CTNND2: variants seen among roughly 807,000 people sequenced by gnomAD.
CTNND2 encodes catenin delta-2.
Under a neutral mutation model 144.4 loss-of-function variants are expected in CTNND2, and 22 were observed. The observed-to-expected ratio is 0.15, with a 90% CI of 0.11 to 0.22. The LOEUF (loss-of-function observed/expected upper bound fraction) is 0.22, where lower values mean the gene tolerates loss of function less well. Among genes scored for constraint, CTNND2 ranks in the 10% least tolerant of loss-of-function variants. The pLI, the probability that CTNND2 is intolerant of heterozygous loss-of-function variation, is 1.00. For missense variants in CTNND2, 1,353 were observed against 1,618.8 expected, an observed-to-expected ratio of 0.84 and a Z score of 2.82; for synonymous variants, 751 against 695.6, an observed-to-expected ratio of 1.08 and a Z score of -1.25.
At chr5:11,471,344 A>G (rs1432379834) in intron 3 of CTNND2, among the ~76,000 whole-genome samples, 5 of 152,126 alleles carry the variant, frequency 3.3e-5, no homozygotes, top group African/African-American at 1.2e-4. Flanking sequence ...TCATACATAC[A>G]GATTTTATAG....
chr5:11,328,089 C>T (rs1405717921), intron 9 of CTNND2, among the ~76,000 whole-genome samples: 2 of 152,086 alleles, frequency 1.3e-5, no homozygotes, highest in Non-Finnish European at 2.9e-5. Flanking sequence ...TAAGTGAGTA[C>T]GTTCACTTTA....
chr5:11,693,839 C>T (rs564948375), intron 2 of CTNND2, among the ~76,000 whole-genome samples: 36 of 152,270 alleles, frequency 2.4e-4, no homozygotes, highest in African/African-American at 8.4e-4. Flanking sequence ...AGCTATCGCT[C>T]CTAGGAGAAA....
intron 11 of CTNND2, among the ~76,000 whole-genome samples, chr5:11,165,191 T>C (rs202151694): frequency 6.6e-6 from 1 of 152,204 alleles, no homozygotes; most frequent in East Asian, 1.9e-4. Flanking sequence ...TGGGATTATT[T>C]ACTTTGAATC....
At chr5:11,557,449 T>C (rs992875155) in intron 3 of CTNND2, among the ~76,000 whole-genome samples, 1 of 152,178 alleles carries the variant, frequency 6.6e-6, no homozygotes, top group African/African-American at 2.4e-5. Context: ...TTCTTGCAGG[T>C]TGTGAGTTCA....
intron 9 of CTNND2, among the ~76,000 whole-genome samples, chr5:11,250,313 T>G (rs543317103): frequency 4.6e-5 from 7 of 152,064 alleles, no homozygotes; most frequent in Admixed American, 2.0e-4. Context: ...TTCAATATAA[T>G]GGTACCCAAT....
At chr5:11,637,315 G>T in intron 2 of CTNND2, among the ~76,000 whole-genome samples, 1 of 152,146 alleles carries the variant, frequency 6.6e-6, no homozygotes, top group East Asian at 1.9e-4. Flanking sequence ...TATATTAAAA[G>T]ACTGTCTTGC....
intron 1 of CTNND2, among the ~76,000 whole-genome samples, chr5:11,838,394 C>T (rs1794288249): frequency 6.6e-6 from 1 of 152,120 alleles, no homozygotes; most frequent in Non-Finnish European, 1.5e-5. Flanking sequence ...AAGTATGTTC[C>T]AGAGTAGTGG....
chr5:11,723,340 C>A (rs987893589), intron 2 of CTNND2, among the ~76,000 whole-genome samples: 3 of 151,978 alleles, frequency 2.0e-5, no homozygotes, highest in Admixed American at 2.0e-4. Context: ...TCTCATTCCA[C>A]CTGATTAAAT....
chr5:11,654,897 T>C (rs920511889), intron 2 of CTNND2, among the ~76,000 whole-genome samples: 2 of 152,040 alleles, frequency 1.3e-5, no homozygotes, highest in Admixed American at 6.6e-5. Flanking sequence ...TTGTCATATA[T>C]GGCCTTTATT....
At chr5:11,185,688 T>G (rs1209801538) in intron 11 of CTNND2, among the ~76,000 whole-genome samples, 1 of 152,218 alleles carries the variant, frequency 6.6e-6, no homozygotes, top group Non-Finnish European at 1.5e-5. Context: ...AGTTTCATCC[T>G]CTAACGGATA....
At chr5:11,259,061 T>G (rs1294723652) in intron 9 of CTNND2, among the ~76,000 whole-genome samples, 1 of 152,192 alleles carries the variant, frequency 6.6e-6, no homozygotes, top group African/African-American at 2.4e-5. Flanking sequence ...AGGATTACCA[T>G]CTACAATCAG....
chr5:11,457,964 C>T (rs1765880023), intron 3 of CTNND2, among the ~76,000 whole-genome samples: 1 of 152,150 alleles, frequency 6.6e-6, no homozygotes, highest in Non-Finnish European at 1.5e-5. Flanking sequence ...GAAGTCTGAC[C>T]CTTGGACTTC....
intron 12 of CTNND2, among the ~76,000 whole-genome samples, chr5:11,128,788 A>T (rs375918974): frequency 8.2e-4 from 30 of 36,774 alleles, no homozygotes; most frequent in East Asian, 1.1e-3. Flanking sequence ...AAATATATAA[A>T]TATATATTAT....
In CTNND2 at chr5:11,822,935, A is replaced by G. The variant is rs61761573; in HGVS notation, c.37+80882T>C. 3.5e-3 allele frequency among the ~76,000 whole-genome samples: 526 copies of G among 152,316 alleles called. 2 individuals are homozygous for G. The highest frequency in any genetic ancestry group is 0.024 in the Middle Eastern group (7 of 294). On this transcript the variant is annotated intron_variant, in intron 1 of 21. Transcript: ENST00000304623. ...TCCAGATTCCTTACACACAGAAACC[A>G]TAAGATAATAAATGTATGTCACTAC...
chr5:11,240,477 ACACT>A (rs1424513120), intron 9 of CTNND2, among the ~76,000 whole-genome samples: 33 of 109,416 alleles, frequency 3.0e-4, no homozygotes, highest in African/African-American at 8.6e-4. Flanking sequence ...ACACTCACAT[ACACT>A]CAAACACACA....
chr5:11,883,056 G>C (rs972232180), intron 1 of CTNND2, among the ~76,000 whole-genome samples: 11 of 151,990 alleles, frequency 7.2e-5, no homozygotes, highest in African/African-American at 2.4e-4. Context: ...TAAGATTGGG[G>C]GGTTTGGTAG....
intron 9 of CTNND2, among the ~76,000 whole-genome samples, chr5:11,263,722 T>C (rs1316527453): frequency 6.6e-6 from 1 of 152,214 alleles, no homozygotes. Context: ...TGTGTATCTC[T>C]GCACTTACAC....
intron 9 of CTNND2, among the ~76,000 whole-genome samples, chr5:11,252,301 C>T (rs1301717998): frequency 2.6e-5 from 4 of 152,178 alleles, no homozygotes; most frequent in African/African-American, 9.7e-5. Flanking sequence ...GATGTGAAAA[C>T]TGCTGTCAGG....
At chr5:11,876,306 G>A (rs530273417) in intron 1 of CTNND2, among the ~76,000 whole-genome samples, 4 of 151,402 alleles carry the variant, frequency 2.6e-5, no homozygotes, top group Non-Finnish European at 4.4e-5. Flanking sequence ...GGGGAGAGGC[G>A]AGAGGGGAGG....
Sources: allele counts gnomAD v4.1 joint callset (sites outside exome capture counted in the v4.1 genomes callset), GRCh38; gene constraint gnomAD v4.1.1; transcripts MANE v1.5; gene names NCBI Gene and HGNC (gene_info 2026-07-23, HGNC 2026-07-21).